NAP1L4: variants seen among roughly 807,000 people sequenced by gnomAD.
NAP1L4 encodes the protein nucleosome assembly protein 1-like 4.
Under a neutral mutation model 58.2 loss-of-function variants are expected in NAP1L4, and 15 were observed. That is an observed-to-expected ratio of 0.26 (90% CI 0.17 to 0.40). NAP1L4 has a LOEUF of 0.40. Among genes scored for constraint, NAP1L4 ranks in the 10% least tolerant of loss-of-function variants. The probability of loss-of-function intolerance (pLI) is 1.00; values close to 1 mark genes in which losing one functional copy is unlikely to be tolerated. For missense variants in NAP1L4, 384 were observed against 451.1 expected, an observed-to-expected ratio of 0.85 and a Z score of 1.35; for synonymous variants, 171 against 155.6, an observed-to-expected ratio of 1.10 and a Z score of -0.74.
intron 2 of NAP1L4, 96 bp downstream of exon 2, chr11:2,979,111 T>G: frequency 7.6e-7 from 1 of 1,308,218 alleles, no homozygotes. Flanking sequence ...CTGAAATGCA[T>G]TTAACTTTGA....
At chr11:2,973,333 G>T (rs573555206) in intron 4 of NAP1L4, among the ~76,000 whole-genome samples, 5 of 152,246 alleles carry the variant, frequency 3.3e-5, no homozygotes, top group African/African-American at 9.6e-5. Flanking sequence ...TGTTCAAAAC[G>T]AAGCCCCTGG....
intron 3 of NAP1L4, among the ~76,000 whole-genome samples, chr11:2,976,373 G>C (rs1233543797): frequency 6.6e-6 from 1 of 152,094 alleles, no homozygotes; most frequent in African/African-American, 2.4e-5. Context: ...AGAGAGTCCT[G>C]GCTCTCACCA....
intron 7 of NAP1L4, 137 bp downstream of exon 7, chr11:2,969,666 G>T: frequency 1.2e-6 from 1 of 850,828 alleles, no homozygotes; most frequent in Non-Finnish European, 1.7e-6. Flanking sequence ...CTCATCTGAG[G>T]TCCTGGTCAG....
chr11:2,945,655 G>A lies in NAP1L4; in HGVS notation c.*33-9C>T. 3 of 1,535,650 alleles carry A rather than the reference G, an allele frequency of 2.0e-6. No individual in the cohort carries two copies. Among genetic ancestry groups the A allele is most frequent in the Non-Finnish European group, 2.6e-6 (3 of 1,146,660 alleles). ...GGCTGGCTGGGTTCCTTCTGTCAATGAAAAAGACAAGGCTTGTAGAGAGCA... is the reference window on the plus strand; with the variant it reads ...GGCTGGCTGGGTTCCTTCTGTCAATAAAAAAGACAAGGCTTGTAGAGAGCA... On this transcript the variant is annotated splice_polypyrimidine_tract_variant and intron_variant, in intron 15 of 15. Coordinates refer to ENST00000380542, the MANE Select transcript of NAP1L4 (RefSeq NM_005969.4).
At chr11:2,967,508 G>A (rs983111780) in intron 7 of NAP1L4, among the ~76,000 whole-genome samples, 2 of 151,864 alleles carry the variant, frequency 1.3e-5, no homozygotes, top group African/African-American at 4.8e-5. Flanking sequence ...CTACTCGGGA[G>A]GCTGAGGCAG....
In NAP1L4 at chr11:2,951,973, T is replaced by G; in HGVS notation, c.1036-164A>C. 1.5e-6 allele frequency: 1 copy of G among 672,820 alleles called. No individual in the cohort carries two copies. The highest frequency in any genetic ancestry group is 1.7e-5 in the South Asian group (1 of 58,372). 41.7% of individuals were successfully genotyped at this position (672,820 alleles called of 1,614,324 possible). ...TTGCCTGAGGAGCCATTTGCTTGTG[T>G]GCAGCGCATTTTAAAAGCATGCCAG... On this transcript the variant is annotated intron_variant, in intron 12 of 15. Transcript: ENST00000380542. This position sits in a 1 kb window ranked among gnomAD's most constrained non-coding sequence, Gnocchi z 4.0.
At chr11:2,992,061 A>C (rs1849010671) in intron 1 of NAP1L4, 193 bp downstream of exon 1, 1 of 151,814 alleles carries the variant, frequency 6.6e-6, no homozygotes, top group Non-Finnish European at 1.5e-5. Flanking sequence ...TCCAGGCCCC[A>C]AGCCCCAGGC....
chr11:2,986,116 G>A (rs1848600738), intron 1 of NAP1L4, among the ~76,000 whole-genome samples: 1 of 152,222 alleles, frequency 6.6e-6, no homozygotes, highest in African/African-American at 2.4e-5. Context: ...GCTCACGCCT[G>A]TAATCCCAGC....
At chr11:2,967,849 G>A in intron 7 of NAP1L4, among the ~76,000 whole-genome samples, 1 of 152,150 alleles carries the variant, frequency 6.6e-6, no homozygotes, top group Non-Finnish European at 1.5e-5. Flanking sequence ...GGGAGAATGA[G>A]AAGGGACACC....
In NAP1L4 at chr11:2,955,560, C is replaced by G. The variant is rs1846488907; in HGVS notation, c.915+184G>C. On this transcript the variant is annotated intron_variant, in intron 11 of 15. Transcript: ENST00000380542. The surrounding 1 kb of genome is among the most constrained non-coding windows in gnomAD (Gnocchi z 4.2). ...GGAGATGGGGTTGTGCTATGTTGCCCAGGCTGGTCTCAAACTCCTGGACTC... is the reference window on the plus strand; with the variant it reads ...GGAGATGGGGTTGTGCTATGTTGCCGAGGCTGGTCTCAAACTCCTGGACTC... Among the ~76,000 whole-genome samples, 1 of 151,934 alleles carries G rather than the reference C, an allele frequency of 6.6e-6. No individual in the cohort carries two copies. Among genetic ancestry groups the G allele is most frequent in the Non-Finnish European group, 1.5e-5 (1 of 67,984 alleles).
chr11:2,982,793 C>T (rs1168313295), intron 1 of NAP1L4, among the ~76,000 whole-genome samples: 2 of 152,092 alleles, frequency 1.3e-5, no homozygotes, highest in Admixed American at 6.5e-5. Context: ...GAGGCCAAGG[C>T]GGGCAGATCA....
rs892003024 is a variant in NAP1L4 at position 2,954,391 on chromosome 11, A to G, written c.1035+136T>C. On this transcript the variant is annotated intron_variant, in intron 12 of 15. Transcript: ENST00000380542. This position sits in a 1 kb window ranked among gnomAD's most constrained non-coding sequence, Gnocchi z 4.8. ...GTATTCCCCCCACAACAAGGACAGCAGCTTGGACTACATATCTGGCTGATG... is the reference window on the plus strand; with the variant it reads ...GTATTCCCCCCACAACAAGGACAGCGGCTTGGACTACATATCTGGCTGATG... The G allele has an allele frequency of 1.6e-6, 2 of 1,244,798 alleles. No homozygotes were observed. Among genetic ancestry groups the G allele is most frequent in the Non-Finnish European group, 2.3e-6 (2 of 864,934 alleles). The allele number at this position is 1,244,798 out of a possible 1,614,324, so 77.1% of individuals were successfully genotyped here.
At chr11:2,992,083 C>T (rs981297988) in intron 1 of NAP1L4, 171 bp downstream of exon 1, 2 of 151,766 alleles carry the variant, frequency 1.3e-5, no homozygotes, top group African/African-American at 4.8e-5. Context: ...CCGCCGCGGC[C>T]GCCGCTGCCT....
At chr11:2,960,574 C>A (rs1846829218) in intron 8 of NAP1L4, among the ~76,000 whole-genome samples, 1 of 152,136 alleles carries the variant, frequency 6.6e-6, no homozygotes, top group Non-Finnish European at 1.5e-5. Flanking sequence ...CACATGAACA[C>A]CAAAATGAGA....
intron 2 of NAP1L4, 86 bp from the exon 3 acceptor site, chr11:2,978,428 A>G: frequency 8.0e-7 from 1 of 1,252,826 alleles, no homozygotes; most frequent in Non-Finnish European, 1.1e-6. Flanking sequence ...TATTCAATAT[A>G]TTAAGAGGTA....
At chr11:2,957,183 TC>T (rs1846595503) in intron 10 of NAP1L4, among the ~76,000 whole-genome samples, 2 of 152,162 alleles carry the variant, frequency 1.3e-5, no homozygotes, top group African/African-American at 4.8e-5. Flanking sequence ...ACAAAGTGAT[TC>T]CAGAAATTAA....
chr11:2,952,238 A>G, intron 12 of NAP1L4: 1 of 183,936 alleles, frequency 5.4e-6, no homozygotes. Flanking sequence ...ATCATTTTAC[A>G]TCTCATACAA....
intron 7 of NAP1L4, among the ~76,000 whole-genome samples, chr11:2,966,135 T>C (rs534808761): frequency 7.9e-4 from 121 of 152,318 alleles, no homozygotes; most frequent in African/African-American, 2.8e-3. Context: ...AATCTCAAAA[T>C]GTCTTGAAGT....
At chr11:2,958,147 G>C in intron 10 of NAP1L4, 1 of 660,916 alleles carries the variant, frequency 1.5e-6, no homozygotes, top group Non-Finnish European at 2.8e-6. Context: ...CTGGGCTACA[G>C]CCAAGCAGAG....
Sources: allele counts gnomAD v4.1 joint callset (sites outside exome capture counted in the v4.1 genomes callset), GRCh38; gene constraint gnomAD v4.1.1; non-coding constraint Gnocchi (gnomAD v3.1); transcripts MANE v1.5; gene names NCBI Gene and HGNC (gene_info 2026-07-23, HGNC 2026-07-21).